PFKFB3: variants seen among roughly 807,000 people sequenced by gnomAD.
PFKFB3 encodes the protein 6-phosphofructo-2-kinase/fructose-2,6-bisphosphatase 3.
In PFKFB3, 33 loss-of-function variants were observed where a neutral mutation model predicts 68.0. The ratio of observed to expected loss-of-function variants is 0.49; its 90% CI spans 0.37 to 0.65. The LOEUF (loss-of-function observed/expected upper bound fraction) is 0.65, where lower values mean the gene tolerates loss of function less well. PFKFB3 is among the 30% of genes least tolerant of loss of function. The pLI is 0.00. For synonymous variants in PFKFB3, 315 were observed against 288.2 expected, an observed-to-expected ratio of 1.09 and a Z score of -0.94; for missense variants, 586 against 712.2, an observed-to-expected ratio of 0.82 and a Z score of 2.02.
At chr10:6,216,349 G>A (rs1416755654) in intron 4 of PFKFB3, among the ~76,000 whole-genome samples, 158 bp downstream of exon 4, 6 of 152,142 alleles carry the variant, frequency 3.9e-5, no homozygotes, top group Non-Finnish European at 5.9e-5. Context: ...GATGTGGGGT[G>A]GACTCAGGGA....
At chr10:6,256,059 G>A (rs773849829), downstream of PFKFB3, among the ~76,000 whole-genome samples, 36 of 152,158 alleles carry the variant, frequency 2.4e-4, no homozygotes, top group Non-Finnish European at 5.1e-4. Context: ...TTTGGGATAA[G>A]CCACATAAAC....
At chr10:6,271,277 A>G in the PFKFB3 span, among the ~76,000 whole-genome samples, 2 of 152,244 alleles carry the variant, frequency 1.3e-5, no homozygotes, top group Non-Finnish European at 2.9e-5. Flanking sequence ...GGTAAGGACG[A>G]GAACCGAAGA....
chr10:6,264,731 T>G, the PFKFB3 span, among the ~76,000 whole-genome samples: 1 of 152,338 alleles, frequency 6.6e-6, no homozygotes, highest in Admixed American at 6.5e-5. Flanking sequence ...TCTTTCTTTT[T>G]CATTCTCTCT....
At chr10:6,193,575 G>C (rs939826506) in intron 1 of PFKFB3, among the ~76,000 whole-genome samples, 8 of 152,194 alleles carry the variant, frequency 5.3e-5, no homozygotes, top group Admixed American at 3.9e-4. Context: ...TCAGGTGTCC[G>C]TGTGGAGAGA....
the PFKFB3 span, among the ~76,000 whole-genome samples, chr10:6,303,327 T>A: frequency 3.3e-5 from 5 of 152,026 alleles, no homozygotes; most frequent in Non-Finnish European, 7.4e-5. Flanking sequence ...AATAGAGAAG[T>A]GAAAATTCTA....
chr10:6,221,049 C>CTG (rs34836891), intron 8 of PFKFB3, among the ~76,000 whole-genome samples, 184 bp downstream of exon 8: 5,258 of 151,468 alleles, frequency 0.035, 130 homozygotes, highest in South Asian at 0.06. Context: ...CTGTATGGCT[C>CTG]TGTGTGTGTG....
At chr10:6,242,096 A>G (rs1290684116) in intron 14 of PFKFB3, among the ~76,000 whole-genome samples, 1 of 152,108 alleles carries the variant, frequency 6.6e-6, no homozygotes, top group East Asian at 1.9e-4. Flanking sequence ...TTCCCGCCTC[A>G]GCCTCTCAAA....
upstream of PFKFB3, among the ~76,000 whole-genome samples, chr10:6,202,015 C>G (rs1167869989): frequency 6.6e-6 from 1 of 152,166 alleles, no homozygotes; most frequent in African/African-American, 2.4e-5. Context: ...AGGAGTCTGC[C>G]TAATAAGGGG....
chr10:6,222,932 C>T lies in PFKFB3; in HGVS notation c.1161C>T (p.Cys387=). ...LERQENVLVI[C]HQAVLRCLLA... Reference sequence around the variant, plus strand: ...GGCAGGAGAATGTGCTGGTCATCTGCCACCAGGCCGTCCTGCGCTGCCTGC... The same window carrying T: ...GGCAGGAGAATGTGCTGGTCATCTGTCACCAGGCCGTCCTGCGCTGCCTGC... Residue 387 remains cysteine (C), a synonymous_variant, in exon 11 of 15, where the codon TGC becomes TGT. Coordinates refer to ENST00000379775, the MANE Select transcript of PFKFB3 (RefSeq NM_004566.4). The T allele has an allele frequency of 6.2e-7, 1 of 1,613,800 alleles. No individual in the cohort carries two copies. Among genetic ancestry groups the T allele is most frequent in the Non-Finnish European group, 8.5e-7 (1 of 1,179,896 alleles).
intron 6 of PFKFB3, 132 bp from the exon 7 acceptor site, chr10:6,219,437 T>C: frequency 1.1e-6 from 1 of 944,654 alleles, no homozygotes; most frequent in Non-Finnish European, 1.7e-6. Context: ...TCCCTTTCTC[T>C]TACACGCTGG....
intron 1 of PFKFB3, among the ~76,000 whole-genome samples, chr10:6,171,699 T>G (rs376174185): frequency 1.3e-5 from 2 of 152,368 alleles, no homozygotes; most frequent in South Asian, 4.1e-4. Flanking sequence ...GGCCTAGATA[T>G]CTATTTTTTA....
intron 1 of PFKFB3, among the ~76,000 whole-genome samples, chr10:6,165,450 TC>T (rs1340757375): frequency 6.6e-6 from 1 of 152,202 alleles, no homozygotes; most frequent in Non-Finnish European, 1.5e-5. Flanking sequence ...ATCTCTCTTT[TC>T]CCCACAACTT....
intron 1 of PFKFB3, among the ~76,000 whole-genome samples, chr10:6,149,271 T>C (rs1205147799): frequency 6.6e-6 from 1 of 152,066 alleles, no homozygotes; most frequent in African/African-American, 2.4e-5. Flanking sequence ...GACAAGGGAA[T>C]AGCAGGTGAA....
upstream of PFKFB3, among the ~76,000 whole-genome samples, chr10:6,202,163 T>C (rs997351870): frequency 1.3e-5 from 2 of 152,240 alleles, no homozygotes; most frequent in African/African-American, 4.8e-5. Context: ...AGATGCCAGC[T>C]GCCCCCAGCC....
the PFKFB3 span, among the ~76,000 whole-genome samples, chr10:6,272,050 G>A: frequency 6.6e-5 from 10 of 152,184 alleles, no homozygotes; most frequent in South Asian, 2.1e-4. Flanking sequence ...CCCCTGCCCC[G>A]ATGGTGGCTG....
chr10:6,181,911 A>G (rs1588433692), intron 1 of PFKFB3, among the ~76,000 whole-genome samples: 1 of 150,224 alleles, frequency 6.7e-6, no homozygotes, highest in Admixed American at 6.6e-5. Context: ...GGGGCTGGGG[A>G]GGGAGAATGG....
At chr10:6,178,948 G>A (rs1455079776) in intron 1 of PFKFB3, among the ~76,000 whole-genome samples, 5 of 152,218 alleles carry the variant, frequency 3.3e-5, no homozygotes, top group Non-Finnish European at 5.9e-5. Context: ...TCCCCAGCAC[G>A]GGGTCCTCCG....
intron 1 of PFKFB3, among the ~76,000 whole-genome samples, chr10:6,146,785 A>T (rs575769679): frequency 1.4e-4 from 22 of 152,374 alleles, no homozygotes; most frequent in African/African-American, 5.3e-4. Context: ...GTGCATTATT[A>T]GATCACACAG....
intron 1 of PFKFB3, among the ~76,000 whole-genome samples, chr10:6,193,644 G>C (rs549510826): frequency 6.6e-6 from 1 of 152,334 alleles, no homozygotes; most frequent in South Asian, 2.1e-4. Flanking sequence ...GTGCAGGCGG[G>C]CTGAGTCCAA....
Sources: allele counts gnomAD v4.1 joint callset (sites outside exome capture counted in the v4.1 genomes callset), GRCh38; gene constraint gnomAD v4.1.1; transcripts MANE v1.5; gene names NCBI Gene and HGNC (gene_info 2026-07-23, HGNC 2026-07-21).